The following WDR72 variants were observed in gnomAD, a reference collection of about 807,000 sequenced individuals.
The protein encoded by WDR72 is WD repeat domain 72.
A neutral mutation model predicts 124.2 loss-of-function variants in WDR72; 120 were observed. That is an observed-to-expected ratio of 0.97 (90% CI 0.83 to 1.12). The LOEUF is 1.12. Among genes scored for constraint, WDR72 ranks in the 50% most tolerant of loss-of-function variants. WDR72 has a pLI of 0.00. For missense variants in WDR72, 1,387 were observed against 1,278.8 expected, an observed-to-expected ratio of 1.08 and a Z score of -1.29; for synonymous variants, 452 against 441.7, an observed-to-expected ratio of 1.02 and a Z score of -0.29.
At chr15:53,674,555 T>C (rs1191389700) in intron 13 of WDR72, among the ~76,000 whole-genome samples, 1 of 151,892 alleles carries the variant, frequency 6.6e-6, no homozygotes, top group East Asian at 1.9e-4. Context: ...TAGAAAATAA[T>C]GGAAGGGTGG....
chr15:53,518,885 T>C lies in WDR72; in HGVS notation c.3254-1131A>G, dbSNP rs187667524. ...TAATATTGATTGACAATGATGTATATAGATCTACATAGATAACCTGCCTTA... is the reference window on the plus strand; with the variant it reads ...TAATATTGATTGACAATGATGTATACAGATCTACATAGATAACCTGCCTTA... On this transcript the variant is annotated intron_variant, in intron 19 of 19. Transcript: ENST00000360509. 2.1e-3 allele frequency among the ~76,000 whole-genome samples: 319 copies of C among 151,968 alleles called. 4 individuals are homozygous for C. Among genetic ancestry groups the C allele is most frequent in the African/African-American group, 7.2e-3 (299 of 41,528 alleles).
upstream of WDR72, among the ~76,000 whole-genome samples, chr15:53,760,100 A>G (rs2019033647): frequency 6.6e-6 from 1 of 151,744 alleles, no homozygotes; most frequent in Non-Finnish European, 1.5e-5. Context: ...TGATACAGAC[A>G]AACAATGCGT....
At chr15:53,696,519 G>A (rs2017007621) in intron 13 of WDR72, among the ~76,000 whole-genome samples, 1 of 152,160 alleles carries the variant, frequency 6.6e-6, no homozygotes, top group African/African-American at 2.4e-5. Context: ...TCATTCGTGT[G>A]CCAGGCACAT....
chr15:53,705,663 G>A (rs141887844), intron 10 of WDR72, among the ~76,000 whole-genome samples: 2 of 152,090 alleles, frequency 1.3e-5, no homozygotes, highest in Non-Finnish European at 2.9e-5. Flanking sequence ...GGGTTTCACC[G>A]TGTTGCCCAG....
At chr15:53,708,698 C>G (rs989294340) in intron 9 of WDR72, among the ~76,000 whole-genome samples, 3 of 152,174 alleles carry the variant, frequency 2.0e-5, no homozygotes, top group Admixed American at 2.0e-4. Context: ...TCACCATCAT[C>G]ATCATCACCA....
chr15:53,578,651 G>A (rs1380660582), intron 18 of WDR72, among the ~76,000 whole-genome samples: 1 of 152,040 alleles, frequency 6.6e-6, no homozygotes, highest in Non-Finnish European at 1.5e-5. Context: ...AAGCTCAGTT[G>A]TAAATGAGCC....
At chr15:53,648,953 C>A (rs1595818694) in intron 14 of WDR72, among the ~76,000 whole-genome samples, 1 of 147,446 alleles carries the variant, frequency 6.8e-6, no homozygotes, top group Non-Finnish European at 1.5e-5. Context: ...CCAGGGCTCC[C>A]AAATTGAGCA....
chr15:53,613,633 AT>A lies in WDR72; in HGVS notation c.2872+32del, dbSNP rs1328563598. The A allele has an allele frequency of 2.1e-6, 3 of 1,450,416 alleles. No individual in the cohort carries two copies. In the African/African-American group the frequency reaches 4.2e-5, roughly 20 times the overall value. 89.8% of individuals were successfully genotyped at this position (1,450,416 alleles called of 1,614,324 possible). Reference sequence around the variant, plus strand: ...TTATGTCCTTTCACAGAAAAAAAAAATCAGATCATATCTGTGCCAGTAACTC... The same window carrying A: ...TTATGTCCTTTCACAGAAAAAAAAAACAGATCATATCTGTGCCAGTAACTC... On this transcript the variant is annotated intron_variant, in intron 16 of 19. Coordinates refer to ENST00000360509, the MANE Select transcript of WDR72 (RefSeq NM_182758.4).
intron 16 of WDR72, among the ~76,000 whole-genome samples, chr15:53,612,788 T>C (rs1189340281): frequency 3.9e-5 from 6 of 152,064 alleles, no homozygotes; most frequent in Admixed American, 3.9e-4. Context: ...GAATAAATCA[T>C]TCTGGCTGCT....
At chr15:53,520,384 T>A (rs1448335011) in intron 19 of WDR72, among the ~76,000 whole-genome samples, 2 of 152,104 alleles carry the variant, frequency 1.3e-5, no homozygotes, top group African/African-American at 4.8e-5. Context: ...CACATTCAGC[T>A]TTGTAACTGG....
At chr15:53,677,152 C>T (rs2016203332) in intron 13 of WDR72, among the ~76,000 whole-genome samples, 1 of 152,046 alleles carries the variant, frequency 6.6e-6, no homozygotes, top group Admixed American at 6.6e-5. Flanking sequence ...AATCTCCTGA[C>T]CTCATGATCC....
intron 18 of WDR72, among the ~76,000 whole-genome samples, chr15:53,574,527 T>C (rs147025503): frequency 1.8e-4 from 27 of 152,288 alleles, no homozygotes; most frequent in African/African-American, 6.5e-4. Flanking sequence ...ATATGTAAAA[T>C]ATGTATCTCA....
At chr15:53,738,529 G>T in intron 1 of WDR72, among the ~76,000 whole-genome samples, 1 of 152,230 alleles carries the variant, frequency 6.6e-6, no homozygotes, top group Admixed American at 6.5e-5. Context: ...CTAAAAATTT[G>T]GAAAGGTAAG....
chr15:53,706,358 A>ATATATATATATATATGTGTGTG (rs2017367423), intron 9 of WDR72, among the ~76,000 whole-genome samples: 1 of 39,846 alleles, frequency 2.5e-5, no homozygotes, highest in African/African-American at 1.0e-4. Flanking sequence ...GTGTATATAT[A>ATATATATATATATATGTGTGTG]TATATATATA....
chr15:53,525,717 T>C (rs1892076998), intron 18 of WDR72, among the ~76,000 whole-genome samples: 1 of 151,996 alleles, frequency 6.6e-6, no homozygotes, highest in South Asian at 2.1e-4. Flanking sequence ...TGCTACAACT[T>C]TGCTTCCACC....
chr15:53,650,990 G>C (rs147183130), intron 14 of WDR72, among the ~76,000 whole-genome samples: 1,465 of 134,462 alleles, frequency 0.011, 35 homozygotes, highest in African/African-American at 0.039. Flanking sequence ...ATCGTGAAAA[G>C]ACTCCCTTTA....
chr15:53,622,885 G>A (rs117631154), intron 14 of WDR72, among the ~76,000 whole-genome samples: 8 of 152,134 alleles, frequency 5.3e-5, no homozygotes, highest in Non-Finnish European at 1.2e-4. Flanking sequence ...TACCCTCCCC[G>A]CAAAACAGCT....
chr15:53,615,740 T>TA lies in WDR72; in HGVS notation c.2465dup (p.Leu822PhefsTer15). ...CCAAAGAAATAGGACCCTGAAGCTT[T>TA]AAAATATTGAGGTGCTTAATGCAAA... On this transcript the variant is annotated frameshift_variant, in exon 15 of 20. Coordinates refer to ENST00000360509, the MANE Select transcript of WDR72 (RefSeq NM_182758.4). LOFTEE classifies it high-confidence loss of function. 1 of 1,613,460 alleles carries TA rather than the reference T, an allele frequency of 6.2e-7. No individual in the cohort carries two copies. Among genetic ancestry groups the TA allele is most frequent in the Non-Finnish European group, 8.5e-7 (1 of 1,179,646 alleles).
chr15:53,610,845 G>C (rs1363710867), intron 16 of WDR72, among the ~76,000 whole-genome samples: 1 of 151,964 alleles, frequency 6.6e-6, no homozygotes, highest in African/African-American at 2.4e-5. Context: ...ATTTTCTTTT[G>C]ATCTCTGTTT....
Sources: gnomAD v4.1 joint callset for allele counts (sites outside exome capture counted in the v4.1 genomes callset) on GRCh38, gnomAD v4.1.1 for gene constraint, MANE v1.5 for transcripts, NCBI Gene and HGNC (gene_info 2026-07-23, HGNC 2026-07-21) for gene names.